PTPRM: variants seen among roughly 807,000 people sequenced by gnomAD.
PTPRM encodes the protein receptor-type tyrosine-protein phosphatase mu.
In PTPRM, 47 loss-of-function variants were observed where a neutral mutation model predicts 186.7. That is an observed-to-expected ratio of 0.25 (90% CI 0.20 to 0.32). The LOEUF is 0.32. Ranked by LOEUF, PTPRM falls within the 10% of genes least tolerant of loss-of-function variation. The pLI is 1.00. For missense variants in PTPRM, 1,494 were observed against 1,865.0 expected (o/e 0.80, Z 3.66); for synonymous variants, 668 against 674.9 (o/e 0.99, Z 0.16).
chr18:7,935,892 T>A (rs1326125528), intron 5 of PTPRM, among the ~76,000 whole-genome samples: 1 of 152,208 alleles, frequency 6.6e-6, no homozygotes, highest in Non-Finnish European at 1.5e-5. Flanking sequence ...TGTGTCAGTC[T>A]GGAGGGCAGA....
intron 1 of PTPRM, among the ~76,000 whole-genome samples, chr18:7,673,840 C>A (rs566616632): frequency 4.6e-5 from 7 of 152,298 alleles, no homozygotes; most frequent in African/African-American, 1.7e-4. Context: ...TTGGGAACAA[C>A]AGGACTGAGG....
At chr18:7,770,505 A>G (rs1262559713) in intron 1 of PTPRM, among the ~76,000 whole-genome samples, 1 of 152,226 alleles carries the variant, frequency 6.6e-6, no homozygotes, top group East Asian at 1.9e-4. Context: ...TGCTGGCTGA[A>G]CATGCCTGAC....
chr18:8,032,365 CTTA>C (rs757791230), intron 7 of PTPRM, among the ~76,000 whole-genome samples: 6 of 152,134 alleles, frequency 3.9e-5, no homozygotes, highest in Non-Finnish European at 5.9e-5. Flanking sequence ...AACGTTTCCT[CTTA>C]TTGTTGTTTC....
chr18:7,641,480 G>GA (rs147260950), intron 1 of PTPRM, among the ~76,000 whole-genome samples: 1 of 151,820 alleles, frequency 6.6e-6, no homozygotes, highest in Non-Finnish European at 1.5e-5. Flanking sequence ...TCTCACTCAT[G>GA]AAAAAAAACA....
Position 8,055,591 on chromosome 18 carries a change from A to G in PTPRM, c.1133-14095A>G, listed in dbSNP as rs1371799141. On this transcript the variant is annotated intron_variant, in intron 7 of 32. Coordinates refer to ENST00000580170, the MANE Select transcript of PTPRM (RefSeq NM_001105244.2). ...ATTTTAGAAGTGGCACGCAAATTTTATATTCTGAATCTGGTAATTTGAGTG... is the reference window on the plus strand; with the variant it reads ...ATTTTAGAAGTGGCACGCAAATTTTGTATTCTGAATCTGGTAATTTGAGTG... 5.3e-5 allele frequency among the ~76,000 whole-genome samples: 8 copies of G among 152,300 alleles called. No homozygotes were observed. The East Asian group carries it at 1.3e-3, about 26-fold the overall frequency.
At position 8,384,590 on chromosome 18, in the gene PTPRM, A is replaced by G. The variant is rs1388608772; in HGVS notation, c.3948A>G (p.Gly1316=). 1 of 1,614,090 alleles carries G rather than the reference A, an allele frequency of 6.2e-7. No individual in the cohort carries two copies. The highest frequency in any genetic ancestry group is 8.5e-7 in the Non-Finnish European group (1 of 1,180,014). ...GTCCACAGTACTGGCCAGAAAACGG[A>G]GTACACAGACACGGCCCCATCCAGG... ...QLCPQYWPEN[G]VHRHGPIQVE... Residue 1316 remains glycine (G), a synonymous_variant, in exon 30 of 33, where the codon GGA becomes GGG. Transcript: ENST00000580170.
intron 6 of PTPRM, among the ~76,000 whole-genome samples, chr18:7,954,067 A>G (rs538096647): frequency 6.6e-6 from 1 of 152,206 alleles, no homozygotes; most frequent in African/African-American, 2.4e-5. Context: ...GATCTCATTT[A>G]TCATGTGTGG....
chr18:8,095,991 C>T (rs2090998368), intron 11 of PTPRM, among the ~76,000 whole-genome samples: 1 of 152,168 alleles, frequency 6.6e-6, no homozygotes, highest in South Asian at 2.1e-4. Context: ...GAAGAACCTT[C>T]TGGATCTTTC....
intron 1 of PTPRM, among the ~76,000 whole-genome samples, chr18:7,573,268 A>G (rs550777085): frequency 6.6e-6 from 1 of 152,324 alleles, no homozygotes; most frequent in South Asian, 2.1e-4. Context: ...GGAAAGTTGA[A>G]GGAGGGCCAT....
At chr18:8,153,668 T>C (rs1356178334) in intron 14 of PTPRM, among the ~76,000 whole-genome samples, 1 of 152,190 alleles carries the variant, frequency 6.6e-6, no homozygotes, top group Non-Finnish European at 1.5e-5. Flanking sequence ...TCTTAAAACG[T>C]CTAATTGTCC....
chr18:8,038,343 G>A (rs1374658814), intron 7 of PTPRM, among the ~76,000 whole-genome samples: 1 of 150,152 alleles, frequency 6.7e-6, no homozygotes, highest in Non-Finnish European at 1.5e-5. Flanking sequence ...CCAGCTTTCT[G>A]GGTTTTGTTT....
intron 1 of PTPRM, among the ~76,000 whole-genome samples, chr18:7,742,923 A>G (rs1157901761): frequency 6.6e-6 from 1 of 152,202 alleles, no homozygotes; most frequent in African/African-American, 2.4e-5. Context: ...ATTGATTTGC[A>G]TAGATTATTT....
chr18:7,960,468 T>TAC (rs1410469673), intron 7 of PTPRM, among the ~76,000 whole-genome samples: 21 of 123,312 alleles, frequency 1.7e-4, no homozygotes, highest in African/African-American at 6.3e-4. Flanking sequence ...TATATATATA[T>TAC]ATATATATAT....
intron 7 of PTPRM, among the ~76,000 whole-genome samples, chr18:8,031,888 A>G (rs2085998589): frequency 6.6e-6 from 1 of 152,242 alleles, no homozygotes; most frequent in East Asian, 1.9e-4. Context: ...CAAGGGATAA[A>G]CAACTGAAGA....
At chr18:8,147,634 A>G (rs1027310814) in intron 14 of PTPRM, among the ~76,000 whole-genome samples, 1 of 118,462 alleles carries the variant, frequency 8.4e-6, no homozygotes, top group Non-Finnish European at 2.0e-5. Flanking sequence ...AATACCCTTT[A>G]TTTCTTTCTC....
chr18:7,922,676 G>T (rs2050934610), intron 4 of PTPRM, among the ~76,000 whole-genome samples: 1 of 152,070 alleles, frequency 6.6e-6, no homozygotes, highest in African/African-American at 2.4e-5. Context: ...GATAATCTCT[G>T]TGCTGTATAT....
At chr18:7,676,692 C>CGT (rs1487776617) in intron 1 of PTPRM, among the ~76,000 whole-genome samples, 1 of 149,664 alleles carries the variant, frequency 6.7e-6, no homozygotes, top group East Asian at 2.0e-4. Context: ...TGTGTGTGCG[C>CGT]GTGCACGCGC....
At chr18:7,925,162 T>C (rs1012300651) in intron 4 of PTPRM, among the ~76,000 whole-genome samples, 4 of 152,164 alleles carry the variant, frequency 2.6e-5, no homozygotes, top group African/African-American at 9.7e-5. Flanking sequence ...TTAGGGACTT[T>C]TTACAGAGAT....
intron 29 of PTPRM, among the ~76,000 whole-genome samples, chr18:8,382,747 T>C (rs1249173186): frequency 6.6e-6 from 1 of 152,230 alleles, no homozygotes; most frequent in Non-Finnish European, 1.5e-5. Flanking sequence ...GGCCCACTGC[T>C]AACTGAAAAC....
Sources: gnomAD v4.1 joint callset for allele counts (sites outside exome capture counted in the v4.1 genomes callset) on GRCh38, gnomAD v4.1.1 for gene constraint, MANE v1.5 for transcripts, NCBI Gene and HGNC (gene_info 2026-07-23, HGNC 2026-07-21) for gene names.